The following SLC6A17 variants were observed in gnomAD, a reference collection of about 807,000 sequenced individuals.
SLC6A17 encodes the protein sodium-dependent neutral amino acid transporter SLC6A17.
SLC6A17 carries 21 observed loss-of-function variants against 64.5 expected under a neutral mutation model. The ratio of observed to expected loss-of-function variants is 0.33; its 90% CI spans 0.23 to 0.47. The LOEUF is 0.47. Among genes scored for constraint, SLC6A17 ranks in the 20% least tolerant of loss-of-function variants. The pLI, the probability that SLC6A17 is intolerant of heterozygous loss-of-function variation, is 1.00. For missense variants in SLC6A17, 682 were observed against 963.2 expected (o/e 0.71, Z 3.86); for synonymous variants, 372 against 399.5 (o/e 0.93, Z 0.82).
chr1:110,174,810 C>T lies in SLC6A17; in HGVS notation c.603C>T (p.Ala201=), dbSNP rs763498406. The change falls in exon 5 of 12, where the codon GCC becomes GCT. Residue 201 remains alanine (A), a synonymous_variant. Transcript: ENST00000331565. ...AGGCAGAGTGTGAAAAGAGCTCAGC[C>T]ACTACCTACTTCTGGTACCGAGAGG... ...VVEAECEKSS[A]TTYFWYREAL... The T allele has an allele frequency of 2.5e-6, 4 of 1,614,064 alleles. No individual in the cohort carries two copies. The highest frequency in any genetic ancestry group is 2.5e-6 in the Non-Finnish European group (3 of 1,180,022).
At chr1:110,175,393 A>G (rs979807270) in intron 5 of SLC6A17, among the ~76,000 whole-genome samples, 2 of 152,190 alleles carry the variant, frequency 1.3e-5, no homozygotes, top group Non-Finnish European at 2.9e-5. Flanking sequence ...GGTAGACGCT[A>G]TGAGTGAAGG....
chr1:110,170,211 G>A (rs957219982), intron 2 of SLC6A17, among the ~76,000 whole-genome samples: 1 of 152,114 alleles, frequency 6.6e-6, no homozygotes, highest in Non-Finnish European at 1.5e-5. Context: ...CTGGCTGGGC[G>A]CAGTGGCTCA....
chr1:110,189,751 A>G (rs1656778270), intron 6 of SLC6A17, among the ~76,000 whole-genome samples: 1 of 151,744 alleles, frequency 6.6e-6, no homozygotes, highest in Non-Finnish European at 1.5e-5. Flanking sequence ...CCTCTGTCCT[A>G]TCTCAGGACC....
intron 1 of SLC6A17, among the ~76,000 whole-genome samples, chr1:110,159,759 C>T (rs1238346380): frequency 6.6e-6 from 1 of 152,152 alleles, no homozygotes; most frequent in South Asian, 2.1e-4. Flanking sequence ...TCACTTGGGG[C>T]ATCCTTGGGG....
At position 110,197,558 on chromosome 1, in the gene SLC6A17, G is replaced by T. The variant is rs570687081; in HGVS notation, c.1774G>T (p.Gly592Trp). ...VLTTASIIQL[G>W]VTPPGYSAWI... is the part of the protein sequence containing the mutation. ...CACCACAGCCAGCATCATCCAGCTG[G>T]GGGTCACGCCCCCGGGCTACAGCGC... The change falls in exon 11 of 12, where the codon GGG becomes TGG. Residue 592 changes from glycine to tryptophan, a missense_variant. This residue lies in a region of SLC6A17 where 264 missense variants were observed against 339.5 expected (regional missense o/e 0.78). Transcript: ENST00000331565. 9.9e-6 allele frequency: 16 copies of T among 1,612,168 alleles called. No homozygotes were observed. The South Asian group carries it at 1.4e-4, about 14-fold the overall frequency.
At chr1:110,194,521 C>A in intron 8 of SLC6A17, 58 bp from the exon 9 acceptor site, 1 of 1,558,526 alleles carries the variant, frequency 6.4e-7, no homozygotes, top group Non-Finnish European at 8.8e-7. Context: ...GGGAAGGAAG[C>A]AGTGGGCTCC....
intron 6 of SLC6A17, among the ~76,000 whole-genome samples, chr1:110,190,533 G>C (rs531429344): frequency 6.6e-6 from 1 of 152,206 alleles, no homozygotes; most frequent in African/African-American, 2.4e-5. Context: ...GGTGGGCCCT[G>C]TGTCCTGGAT....
intron 6 of SLC6A17, among the ~76,000 whole-genome samples, chr1:110,181,435 C>T (rs1270857963): frequency 6.6e-6 from 1 of 152,172 alleles, no homozygotes; most frequent in Non-Finnish European, 1.5e-5. Context: ...CTTATTCATT[C>T]AACAAAGGTT....
chr1:110,167,895 G>T (rs1656110386), intron 2 of SLC6A17, among the ~76,000 whole-genome samples: 1 of 152,188 alleles, frequency 6.6e-6, no homozygotes, highest in Admixed American at 6.5e-5. Context: ...AAGTCAGGAT[G>T]CAAACCTGGA....
chr1:110,185,340 G>A (rs370156840), intron 6 of SLC6A17, among the ~76,000 whole-genome samples: 9 of 152,334 alleles, frequency 5.9e-5, no homozygotes, highest in South Asian at 2.1e-4. Context: ...CTTGGGCAGC[G>A]GGAGCCCAGT....
rs1188854712 is a variant in SLC6A17 at position 110,176,727 on chromosome 1, G to A, written c.852G>A (p.Met284Ile). 1 of 1,613,654 alleles carries A rather than the reference G, an allele frequency of 6.2e-7. No homozygotes were observed. Among genetic ancestry groups the A allele is most frequent in the African/African-American group, 1.3e-5 (1 of 75,036 alleles). ...GGGCAGTTGATGGCATCCTACACAT[G>A]TTCACTCCCAAGGTAAGGGTTTGGG... Reference protein sequence around the residue: ...LRGAVDGILHMFTPKLDKMLD... With the variant: ...LRGAVDGILHIFTPKLDKMLD... The change falls in exon 6 of 12, where the codon ATG becomes ATA. Residue 284 changes from methionine to isoleucine, a missense_variant. Physicochemically the swap from Met to Ile is conservative, Grantham distance 10. Transcript: ENST00000331565.
chr1:110,197,713 G>C, intron 11 of SLC6A17, 114 bp downstream of exon 11: 3 of 1,253,616 alleles, frequency 2.4e-6, no homozygotes, highest in Non-Finnish European at 3.2e-6. Context: ...GGCCTTGCCA[G>C]GTGCCTCACA....
At chr1:110,189,334 G>T (rs1200922929) in intron 6 of SLC6A17, among the ~76,000 whole-genome samples, 16 of 152,046 alleles carry the variant, frequency 1.1e-4, no homozygotes, top group Admixed American at 1.0e-3. Flanking sequence ...CACCTGCTCA[G>T]GTATGCAGGC....
At chr1:110,151,880 C>T (rs1366005363) in intron 1 of SLC6A17, among the ~76,000 whole-genome samples, 1 of 151,674 alleles carries the variant, frequency 6.6e-6, no homozygotes, top group Non-Finnish European at 1.5e-5. Context: ...CAGCTGTGAA[C>T]TTGAGGCAGA....
intron 6 of SLC6A17, among the ~76,000 whole-genome samples, chr1:110,190,835 C>T (rs555609125): frequency 1.3e-5 from 2 of 151,826 alleles, no homozygotes; most frequent in Admixed American, 1.3e-4. Flanking sequence ...GGTGCTGGGG[C>T]CGGGGGCGGG....
At chr1:110,166,265 C>CTGGTGA (rs1312417512) in intron 1 of SLC6A17, 1 of 150,756 alleles carries the variant, frequency 6.6e-6, no homozygotes, top group East Asian at 2.0e-4. Flanking sequence ...CAGGGGCCCC[C>CTGGTGA]TGGTGATGGC....
At chr1:110,178,725 CA>C (rs957001915) in intron 6 of SLC6A17, 11 of 152,530 alleles carry the variant, frequency 7.2e-5, no homozygotes, top group African/African-American at 2.7e-4. Flanking sequence ...TGCATCCTCA[CA>C]TGGCAGAAGT....
chr1:110,163,166 G>T (rs909155677), intron 1 of SLC6A17, among the ~76,000 whole-genome samples: 2 of 152,034 alleles, frequency 1.3e-5, no homozygotes, highest in African/African-American at 2.4e-5. Context: ...GGTCCAAGCT[G>T]GTAGCTGCGG....
chr1:110,195,660 T>A lies in SLC6A17; in HGVS notation c.1567T>A (p.Phe523Ile). Residue 523 changes from phenylalanine to isoleucine, a missense_variant, in exon 10 of 12, where the codon TTC becomes ATC. Physicochemically the swap from Phe to Ile is conservative, Grantham distance 21. This residue lies in a region of SLC6A17 where 264 missense variants were observed against 339.5 expected (regional missense o/e 0.78). Transcript: ENST00000331565. ...QRSGNYFVTM[F>I]DDYSATLPLT... is the part of the protein sequence containing the mutation. ...CTCCGGAAACTACTTTGTCACCATG[T>A]TCGATGACTACTCGGCCACCCTGCC... The A allele has an allele frequency of 6.2e-7, 1 of 1,614,242 alleles. No homozygotes were observed. The highest frequency in any genetic ancestry group is 1.6e-4 in the Middle Eastern group (1 of 6,062).
Sources: gnomAD v4.1 joint callset for allele counts (sites outside exome capture counted in the v4.1 genomes callset) on GRCh38, gnomAD v4.1.1 for gene constraint, gnomAD v4.1.1 regional missense constraint, MANE v1.5 for transcripts, NCBI Gene and HGNC (gene_info 2026-07-23, HGNC 2026-07-21) for gene names.